KCMF1: variants seen among roughly 807,000 people sequenced by gnomAD.
KCMF1 encodes the protein E3 ubiquitin-protein ligase KCMF1.
In KCMF1, 3 loss-of-function variants were observed where a neutral mutation model predicts 41.1. The observed-to-expected ratio is 0.07, with a 90% CI of 0.03 to 0.19. The LOEUF is 0.19. Ranked by LOEUF, KCMF1 falls within the 10% of genes least tolerant of loss-of-function variation. KCMF1 has a pLI of 1.00. For synonymous variants in KCMF1, 142 were observed against 164.5 expected, an observed-to-expected ratio of 0.86 and a Z score of 1.04; for missense variants, 286 against 488.9, an observed-to-expected ratio of 0.58 and a Z score of 3.91.
chr2:85,027,630 C>T (rs1675144961), intron 1 of KCMF1, among the ~76,000 whole-genome samples: 1 of 152,040 alleles, frequency 6.6e-6, no homozygotes, highest in South Asian at 2.1e-4. Context: ...CCGCCTCGAC[C>T]CCCGCAAAGT....
intron 2 of KCMF1, among the ~76,000 whole-genome samples, chr2:85,030,306 G>A (rs1301537880): frequency 6.6e-6 from 1 of 151,848 alleles, no homozygotes; most frequent in African/African-American, 2.4e-5. Context: ...CACTTTCTTG[G>A]TGGTGTGCTT....
At position 85,059,437 on chromosome 2, in the gene KCMF1, T is replaced by C. The variant is rs1676012398; in HGVS notation, c.*6028T>C. ...ACATCACCACCTGTCATGAAGCTTATCTGTTTTCTGATTTGAATAAACTTT... is the reference window on the plus strand; with the variant it reads ...ACATCACCACCTGTCATGAAGCTTACCTGTTTTCTGATTTGAATAAACTTT... On this transcript the variant is annotated 3_prime_UTR_variant, in exon 7 of 7. Coordinates refer to ENST00000409785, the MANE Select transcript of KCMF1 (RefSeq NM_020122.5). The C allele has an allele frequency of 6.6e-6, 1 of 152,230 alleles. No individual in the cohort carries two copies. Among genetic ancestry groups the C allele is most frequent in the African/African-American group, 2.4e-5 (1 of 41,454 alleles). The allele number at this position is 152,230 out of a possible 1,614,324, so 9.4% of individuals were successfully genotyped here.
chr2:85,046,369 C>T (rs1315923922), intron 5 of KCMF1, 91 bp downstream of exon 5: 3 of 954,580 alleles, frequency 3.1e-6, no homozygotes, highest in African/African-American at 3.3e-5. Context: ...GTGGCTCACA[C>T]CTTTAATCCC....
intron 1 of KCMF1, among the ~76,000 whole-genome samples, chr2:84,990,358 A>G (rs1414363012): frequency 6.6e-6 from 1 of 152,236 alleles, no homozygotes; most frequent in Non-Finnish European, 1.5e-5. Flanking sequence ...ATACTGTGCC[A>G]GACACTATTA....
chr2:85,027,408 A>C, intron 1 of KCMF1, among the ~76,000 whole-genome samples: 1 of 109,682 alleles, frequency 9.1e-6, no homozygotes, highest in African/African-American at 3.7e-5. Context: ...ACAAAGCCTC[A>C]CTCTGTTGTG....
intron 1 of KCMF1, among the ~76,000 whole-genome samples, chr2:85,008,307 T>TATATA (rs1475134926): frequency 2.6e-5 from 2 of 76,608 alleles, no homozygotes; most frequent in African/African-American, 6.1e-5. Context: ...TAATATATAA[T>TATATA]ATGATATATA....
chr2:84,978,065 T>C (rs1673596149), intron 1 of KCMF1, among the ~76,000 whole-genome samples: 1 of 151,968 alleles, frequency 6.6e-6, no homozygotes, highest in African/African-American at 2.4e-5. Flanking sequence ...TGAGGCGATC[T>C]CAACTCACCG....
intron 1 of KCMF1, among the ~76,000 whole-genome samples, chr2:85,014,422 C>T (rs1299857551): frequency 6.6e-6 from 1 of 152,152 alleles, no homozygotes. Context: ...CATGTAATGG[C>T]TCTTTGCCTT....
intron 1 of KCMF1, among the ~76,000 whole-genome samples, chr2:84,981,441 G>A (rs540384455): frequency 2.6e-5 from 4 of 151,954 alleles, no homozygotes; most frequent in South Asian, 2.1e-4. Context: ...CACCCACCTC[G>A]GCCTCCCAAA....
chr2:85,046,474 A>T (rs1675670073), intron 5 of KCMF1, among the ~76,000 whole-genome samples, 196 bp downstream of exon 5: 2 of 151,954 alleles, frequency 1.3e-5, no homozygotes, highest in Admixed American at 1.3e-4. Flanking sequence ...TACTAAAAAT[A>T]AAAAAATTAG....
chr2:85,053,087 T>G, intron 6 of KCMF1, 61 bp from the exon 7 acceptor site: 1 of 1,462,932 alleles, frequency 6.8e-7, no homozygotes, highest in Non-Finnish European at 9.2e-7. Flanking sequence ...CTGTAGAAAT[T>G]GGCCATGCCA....
At chr2:84,974,564 A>G (rs1034909908) in intron 1 of KCMF1, among the ~76,000 whole-genome samples, 2 of 149,788 alleles carry the variant, frequency 1.3e-5, no homozygotes, top group African/African-American at 4.9e-5. Flanking sequence ...GCGGAGCTGT[A>G]ATAGTACGAA....
In KCMF1 at chr2:85,046,220, T is replaced by G. The variant is rs1446349962; in HGVS notation, c.543T>G (p.Leu181=). Residue 181 remains leucine, a synonymous_variant, in exon 5 of 7, where the codon CTT becomes CTG. Coordinates refer to ENST00000409785, the MANE Select transcript of KCMF1 (RefSeq NM_020122.5). The part of the protein sequence containing the change: ...MHFTSSSTGG[L]SSSQSSYSPS... Reference sequence around the variant, plus strand: ...TTACTAGCAGTTCTACTGGTGGACTTTCTTCTTCTCAGAGTTCATATTCTC... The same window carrying G: ...TTACTAGCAGTTCTACTGGTGGACTGTCTTCTTCTCAGAGTTCATATTCTC... 1 of 1,613,382 alleles carries G rather than the reference T, an allele frequency of 6.2e-7. No individual in the cohort carries two copies. Among genetic ancestry groups the G allele is most frequent in the Non-Finnish European group, 8.5e-7 (1 of 1,179,658 alleles).
intron 1 of KCMF1, among the ~76,000 whole-genome samples, chr2:84,999,087 C>T (rs930279659): frequency 2.7e-5 from 4 of 146,678 alleles, no homozygotes; most frequent in African/African-American, 1.0e-4. Context: ...GCTCTGTCAC[C>T]CAGGCTGGAG....
At chr2:85,029,616 G>C (rs1191080382) in intron 2 of KCMF1, among the ~76,000 whole-genome samples, 3 of 147,444 alleles carry the variant, frequency 2.0e-5, no homozygotes, top group Non-Finnish European at 4.5e-5. Flanking sequence ...AAAAAAGGCA[G>C]ATTGTTTCTA....
chr2:85,034,258 G>A (rs968549798), intron 2 of KCMF1, among the ~76,000 whole-genome samples: 2 of 152,078 alleles, frequency 1.3e-5, no homozygotes, highest in African/African-American at 2.4e-5. Context: ...GGTCCTTCCT[G>A]CTCTAAAAGC....
chr2:85,019,402 C>T (rs1477128013), intron 1 of KCMF1, among the ~76,000 whole-genome samples: 4 of 152,242 alleles, frequency 2.6e-5, no homozygotes, highest in African/African-American at 9.6e-5. Context: ...CTGAAAAAGC[C>T]TGTGCTTCTG....
Position 84,990,321 on chromosome 2 carries a change from GACTGGGAAA to G in KCMF1, c.16+18858_16+18866del, listed in dbSNP as rs1281088929. Among the ~76,000 whole-genome samples, 16 of 152,286 alleles carry G rather than the reference GACTGGGAAA, an allele frequency of 1.1e-4. No homozygotes were observed. The East Asian group carries it at 3.1e-3, about 29-fold the overall frequency. On this transcript the variant is annotated intron_variant, in intron 1 of 6. Transcript: ENST00000409785. Reference sequence around the variant, plus strand: ...AGTGCATATTTTGGCACATAATAGAGACTGGGAAAACTCATTCATTCTACAAATACTGTG... The same window carrying G: ...AGTGCATATTTTGGCACATAATAGAGACTCATTCATTCTACAAATACTGTG...
At chr2:85,000,773 C>CTTT (rs1234800307) in intron 1 of KCMF1, among the ~76,000 whole-genome samples, 4 of 118,622 alleles carry the variant, frequency 3.4e-5, no homozygotes, top group East Asian at 2.3e-4. Flanking sequence ...GATAATTTTA[C>CTTT]TTTTTTTTTT....
Sources: gnomAD v4.1 joint callset for allele counts (sites outside exome capture counted in the v4.1 genomes callset) on GRCh38, gnomAD v4.1.1 for gene constraint, MANE v1.5 for transcripts, NCBI Gene and HGNC (gene_info 2026-07-23, HGNC 2026-07-21) for gene names.